COQ3: variants seen among roughly 807,000 people sequenced by gnomAD.
COQ3 encodes the protein coenzyme Q3, methyltransferase.
Under a neutral mutation model 33.1 loss-of-function variants are expected in COQ3, and 29 were observed. The observed-to-expected ratio is 0.88, with a 90% CI of 0.65 to 1.19. The LOEUF (loss-of-function observed/expected upper bound fraction) is 1.19, where lower values mean the gene tolerates loss of function less well. COQ3 is among the 50% of genes most tolerant of loss of function. The pLI is 0.00. For synonymous variants in COQ3, 173 were observed against 157.8 expected (o/e 1.10, Z -0.72); for missense variants, 437 against 430.7 (o/e 1.01, Z -0.13).
intron 1 of COQ3, among the ~76,000 whole-genome samples, chr6:99,388,625 A>T (rs1582732027): frequency 6.6e-6 from 1 of 152,048 alleles, no homozygotes; most frequent in Admixed American, 6.6e-5. Context: ...AGGCAGGTGG[A>T]TCACTTGAAG....
chr6:99,390,334 C>CT (rs78376478), intron 1 of COQ3, among the ~76,000 whole-genome samples: 7 of 107,286 alleles, frequency 6.5e-5, no homozygotes, highest in African/African-American at 1.3e-4. Flanking sequence ...CAATGTTAAA[C>CT]TTTTTTTTTT....
rs769845397 is a variant in COQ3, at chr6:99,380,229, G to A, written c.346C>T (p.Pro116Ser). The A allele has an allele frequency of 1.9e-6, 3 of 1,614,026 alleles. No homozygotes were observed. The South Asian group carries it at 3.3e-5, about 18-fold the overall frequency. ...CTCAGGTCATTCATGGAATGAAGAG[G>A]TGCATATACTCCTTGTTCATCCCAC... ...KWWDEQGVYA[P>S]LHSMNDLRVP... The change falls in exon 3 of 7, where the codon CCT (proline) becomes TCT (serine). Residue 116 changes from proline to serine, a missense_variant. Physicochemically the swap from Pro to Ser is moderately conservative, Grantham distance 74 (BLOSUM62 -1). Coordinates refer to ENST00000254759, the MANE Select transcript of COQ3 (RefSeq NM_017421.4).
At chr6:99,371,286 G>A (rs1467803005) in intron 6 of COQ3, 142 bp downstream of exon 6, 2 of 558,578 alleles carry the variant, frequency 3.6e-6, no homozygotes, top group Non-Finnish European at 6.1e-6. Flanking sequence ...ATGAGTTTAT[G>A]ACCTAGTTGA....
At chr6:99,370,511 G>A (rs1774111518) in intron 6 of COQ3, among the ~76,000 whole-genome samples, 1 of 151,642 alleles carries the variant, frequency 6.6e-6, no homozygotes, top group South Asian at 2.1e-4. Context: ...ACCACACCCG[G>A]CTAATTTTTG....
At chr6:99,378,159 TAGAGAGAGAG>T (rs10542899) in intron 3 of COQ3, among the ~76,000 whole-genome samples, 1 of 43,174 alleles carries the variant, frequency 2.3e-5, no homozygotes, top group African/African-American at 9.3e-5. Context: ...TATATATATT[TAGAGAGAGAG>T]AGAGAGAGAG....
intron 3 of COQ3, among the ~76,000 whole-genome samples, chr6:99,379,819 C>A (rs1325548943): frequency 6.6e-6 from 1 of 151,510 alleles, no homozygotes; most frequent in East Asian, 1.9e-4. Flanking sequence ...GGTGACATTG[C>A]ACTCCCCTCT....
At chr6:99,388,031 G>A (rs1443042894) in intron 1 of COQ3, among the ~76,000 whole-genome samples, 1 of 152,116 alleles carries the variant, frequency 6.6e-6, no homozygotes, top group African/African-American at 2.4e-5. Flanking sequence ...GGGCATAGTG[G>A]CACATGCCTG....
chr6:99,393,073 A>G (rs1324273179), intron 1 of COQ3, among the ~76,000 whole-genome samples: 3 of 152,202 alleles, frequency 2.0e-5, no homozygotes, highest in South Asian at 2.1e-4. Context: ...CAGAAAAAGA[A>G]AAGTATATAA....
At position 99,373,029 on chromosome 6, in the gene COQ3, T is replaced by C. The variant is rs568678635; in HGVS notation, c.730-1442A>G. 3.0e-4 allele frequency among the ~76,000 whole-genome samples: 46 copies of C among 152,306 alleles called. No homozygotes were observed. The South Asian group carries it at 6.2e-3, about 21-fold the overall frequency. On this transcript the variant is annotated intron_variant, in intron 5 of 6. Coordinates refer to ENST00000254759, the MANE Select transcript of COQ3 (RefSeq NM_017421.4). ...AAAACAAAAATATCATACACTATAT[T>C]ATCACACATTTTAACTTTCCTCTGT...
At position 99,383,689 on chromosome 6, in the gene COQ3, T is replaced by C. The variant is rs1373479111; in HGVS notation, c.233+9A>G. On this transcript the variant is annotated intron_variant, in intron 2 of 6. Transcript: ENST00000254759. ...ACGTGAATATTTGCCACAGTAATAA[T>C]AAACCCACCTGAAACTCTTTATTCT... The C allele has an allele frequency of 5.1e-6, 8 of 1,562,104 alleles. No homozygotes were observed. The South Asian group carries it at 8.6e-5, about 17-fold the overall frequency.
intron 5 of COQ3, among the ~76,000 whole-genome samples, chr6:99,375,263 C>T (rs756228631): frequency 7.9e-5 from 12 of 152,064 alleles, no homozygotes; most frequent in Non-Finnish European, 1.3e-4. Flanking sequence ...CCACTGTGCC[C>T]AGCCTCAAAT....
intron 1 of COQ3, among the ~76,000 whole-genome samples, chr6:99,392,340 C>T (rs928228095): frequency 1.3e-5 from 2 of 152,194 alleles, no homozygotes; most frequent in African/African-American, 4.8e-5. Flanking sequence ...ACTTGCCTGA[C>T]TCCATCCCAC....
At chr6:99,373,433 A>G (rs1262559966) in intron 5 of COQ3, among the ~76,000 whole-genome samples, 1 of 139,580 alleles carries the variant, frequency 7.2e-6, no homozygotes, top group African/African-American at 2.8e-5. Flanking sequence ...CCTGTCTCTG[A>G]AAAAAAAAAA....
intron 4 of COQ3, among the ~76,000 whole-genome samples, chr6:99,376,708 C>G (rs1361959708): frequency 6.6e-6 from 1 of 152,078 alleles, no homozygotes; most frequent in Non-Finnish European, 1.5e-5. Context: ...CGGTGGCTCA[C>G]GCCTGTAATC....
At chr6:99,388,481 C>A (rs1414262740) in intron 1 of COQ3, among the ~76,000 whole-genome samples, 9 of 140,396 alleles carry the variant, frequency 6.4e-5, no homozygotes, top group African/African-American at 2.4e-4. Flanking sequence ...ACATTTAATA[C>A]AATTCCTATC....
intron 1 of COQ3, among the ~76,000 whole-genome samples, chr6:99,392,874 C>T (rs896680917): frequency 4.6e-5 from 7 of 152,102 alleles, no homozygotes; most frequent in African/African-American, 1.7e-4. Context: ...CTGCCTGTCT[C>T]GACCAACTGC....
At chr6:99,370,010 T>C (rs1049392027) in intron 6 of COQ3, among the ~76,000 whole-genome samples, 190 bp from the exon 7 acceptor site, 1 of 152,210 alleles carries the variant, frequency 6.6e-6, no homozygotes, top group African/African-American at 2.4e-5. Context: ...CACAATTTAC[T>C]GCAGAACTTC....
At chr6:99,393,923 G>A (rs780090917) in intron 1 of COQ3, 151 bp downstream of exon 1, 79 of 617,888 alleles carry the variant, frequency 1.3e-4, no homozygotes, top group Non-Finnish European at 2.0e-4. Flanking sequence ...GGTTTACAAT[G>A]GAGAGAGATG....
intron 2 of COQ3, among the ~76,000 whole-genome samples, chr6:99,381,968 G>C (rs943366324): frequency 1.3e-5 from 2 of 151,316 alleles, no homozygotes; most frequent in African/African-American, 2.4e-5. Flanking sequence ...CTCAAAACTG[G>C]GTCATGTTCC....
Sources: gnomAD v4.1 joint callset for allele counts (sites outside exome capture counted in the v4.1 genomes callset) on GRCh38, gnomAD v4.1.1 for gene constraint, MANE v1.5 for transcripts, NCBI Gene and HGNC (gene_info 2026-07-23, HGNC 2026-07-21) for gene names.